Variants in TDRD9 observed in about 807,000 individuals in gnomAD.
TDRD9 encodes the protein tudor domain containing 9.
Under a neutral mutation model 172.6 loss-of-function variants are expected in TDRD9, and 124 were observed. The observed-to-expected ratio is 0.72, with a 90% CI of 0.62 to 0.83. The LOEUF (loss-of-function observed/expected upper bound fraction) is 0.83, where lower values mean the gene tolerates loss of function less well. Ranked by LOEUF, TDRD9 falls within the 40% of genes least tolerant of loss-of-function variation. TDRD9 has a pLI of 0.00. For synonymous variants in TDRD9, 619 were observed against 617.1 expected (o/e 1.00, Z -0.05); for missense variants, 1,479 against 1,714.1 (o/e 0.86, Z 2.42).
intron 34 of TDRD9, among the ~76,000 whole-genome samples, chr14:104,045,255 G>A (rs1403835134): frequency 6.6e-6 from 1 of 152,118 alleles, no homozygotes; most frequent in Non-Finnish European, 1.5e-5. Context: ...TCACCAGCAC[G>A]AGGCACCGGC....
At chr14:103,952,883 G>A (rs1030994271) in intron 1 of TDRD9, among the ~76,000 whole-genome samples, 1 of 151,542 alleles carries the variant, frequency 6.6e-6, no homozygotes, top group African/African-American at 2.4e-5. Context: ...GGGATTACAG[G>A]TGCTCGCCAC....
At chr14:104,017,994 A>G (rs1436818690) in intron 22 of TDRD9, 98 bp from the exon 23 acceptor site, 1 of 707,656 alleles carries the variant, frequency 1.4e-6, no homozygotes, top group Non-Finnish European at 2.4e-6. Flanking sequence ...CTATGTTTTT[A>G]GAAACTAAAA....
intron 29 of TDRD9, among the ~76,000 whole-genome samples, chr14:104,031,604 C>G (rs1049555856): frequency 2.6e-5 from 4 of 151,600 alleles, no homozygotes; most frequent in Non-Finnish European, 4.4e-5. Context: ...GCCGGTGCTG[C>G]CCGCCTGCTT....
intron 31 of TDRD9, among the ~76,000 whole-genome samples, 161 bp downstream of exon 31, chr14:104,034,230 G>A (rs1172769282): frequency 3.4e-5 from 4 of 116,776 alleles, no homozygotes; most frequent in South Asian, 2.9e-4. Context: ...TTGCTCTGTC[G>A]CCCAGGCTAG....
At chr14:103,991,905 G>A (rs1300309635) in intron 9 of TDRD9, among the ~76,000 whole-genome samples, 3 of 152,026 alleles carry the variant, frequency 2.0e-5, no homozygotes, top group Non-Finnish European at 2.9e-5. Context: ...TTACAGACAC[G>A]CGCCACCATG....
At chr14:104,024,749 TACAC>T (rs60394937) in intron 25 of TDRD9, 69 bp downstream of exon 25, 92,586 of 430,548 alleles carry the variant, frequency 0.22, 6,763 homozygotes, top group Non-Finnish European at 0.24. Flanking sequence ...ACAGGAAGTT[TACAC>T]ACACACACAC....
chr14:104,049,535 C>T (rs2035881243), intron 34 of TDRD9, 73 bp from the exon 35 acceptor site: 1 of 1,259,538 alleles, frequency 7.9e-7, no homozygotes. Flanking sequence ...GGATTTAAAT[C>T]TTTAAAAAAA....
intron 7 of TDRD9, among the ~76,000 whole-genome samples, chr14:103,983,160 A>G (rs1287400577): frequency 7.2e-6 from 1 of 139,128 alleles, no homozygotes; most frequent in African/African-American, 2.7e-5. Context: ...GCCTCCCAGG[A>G]TTGAGTGATT....
At chr14:103,959,438 A>C (rs1282596546) in intron 2 of TDRD9, among the ~76,000 whole-genome samples, 1 of 144,002 alleles carries the variant, frequency 6.9e-6, no homozygotes, top group Non-Finnish European at 1.5e-5. Context: ...AGCACTGAAG[A>C]AGTAAGGTCA....
chr14:104,040,088 C>G, intron 32 of TDRD9, 108 bp from the exon 33 acceptor site: 1 of 1,047,544 alleles, frequency 9.5e-7, no homozygotes, highest in Non-Finnish European at 1.3e-6. Context: ...AATTGCTGTA[C>G]TAGGGCTGGC....
Position 103,975,459 on chromosome 14 carries a change from A to G in TDRD9, c.917A>G (p.Lys306Arg). ...ADYFAVPVQN[K>R]MNPAYIFEVE... is the part of the protein sequence containing the mutation. ...TACTTTGCTGTTCCTGTTCAAAACA[A>G]GATGAATCCTGCATATATTTTTGAA... Residue 306 changes from lysine to arginine, a missense_variant, in exon 7 of 36, where the codon AAG becomes AGG. By Grantham distance (26) the Lys-to-Arg change is conservative. Around this residue, in one of 3 missense-constraint regions of TDRD9, gnomAD observed 1,413 missense variants for 1,649.1 expected, o/e 0.86. Transcript: ENST00000409874. 1 of 1,613,986 alleles carries G rather than the reference A, an allele frequency of 6.2e-7. No homozygotes were observed. The highest frequency in any genetic ancestry group is 8.5e-7 in the Non-Finnish European group (1 of 1,179,874).
At chr14:103,991,139 T>G (rs1171665674) in intron 8 of TDRD9, 21 bp from the exon 9 acceptor site, 1 of 1,613,810 alleles carries the variant, frequency 6.2e-7, no homozygotes, top group Non-Finnish European at 8.5e-7. Context: ...TTAATATTTG[T>G]GCACATCACA....
At chr14:103,977,338 AAAAAATTAGCCGG>A in intron 7 of TDRD9, among the ~76,000 whole-genome samples, 1 of 151,932 alleles carries the variant, frequency 6.6e-6, no homozygotes, top group Non-Finnish European at 1.5e-5. Context: ...AAAAATAACC[AAAAAATTAGCCGG>A]GCGTGGCGGC....
At chr14:103,972,680 C>T (rs146394605) in intron 6 of TDRD9, among the ~76,000 whole-genome samples, 9 of 152,324 alleles carry the variant, frequency 5.9e-5, no homozygotes, top group African/African-American at 1.7e-4. Flanking sequence ...AAAGCAGTTG[C>T]TTTCTAAACC....
chr14:104,011,406 G>A (rs2034608803), intron 20 of TDRD9, among the ~76,000 whole-genome samples: 1 of 152,170 alleles, frequency 6.6e-6, no homozygotes, highest in Non-Finnish European at 1.5e-5. Context: ...TACCACCCTG[G>A]TAGGATGAAC....
intron 22 of TDRD9, among the ~76,000 whole-genome samples, chr14:104,017,084 T>C (rs1279007032): frequency 6.6e-6 from 1 of 152,130 alleles, no homozygotes; most frequent in African/African-American, 2.4e-5. Flanking sequence ...CTGCTCCTGC[T>C]GGCCATCAGG....
At chr14:103,958,600 T>C (rs1364932466) in intron 2 of TDRD9, among the ~76,000 whole-genome samples, 2 of 152,106 alleles carry the variant, frequency 1.3e-5, no homozygotes, top group African/African-American at 4.8e-5. Context: ...GGAAGATCAG[T>C]CAGTAGTAGA....
At chr14:103,956,778 A>G (rs1317099670) in intron 2 of TDRD9, among the ~76,000 whole-genome samples, 5 of 152,220 alleles carry the variant, frequency 3.3e-5, no homozygotes, top group Non-Finnish European at 7.3e-5. Flanking sequence ...ACAACTGTTC[A>G]GAGTTCACCG....
At chr14:104,010,529 AC>A (rs1417536946) in intron 20 of TDRD9, among the ~76,000 whole-genome samples, 2 of 150,192 alleles carry the variant, frequency 1.3e-5, no homozygotes, top group African/African-American at 4.9e-5. Flanking sequence ...CCTGAAGGAT[AC>A]CTGCCTGAGA....
Sources: gnomAD v4.1 joint callset for allele counts (sites outside exome capture counted in the v4.1 genomes callset) on GRCh38, gnomAD v4.1.1 for gene constraint, gnomAD v4.1.1 regional missense constraint, MANE v1.5 for transcripts, NCBI Gene and HGNC (gene_info 2026-07-23, HGNC 2026-07-21) for gene names.